ASCL5: variants seen among roughly 807,000 people sequenced by gnomAD.
The protein encoded by ASCL5 is achaete-scute family bHLH transcription factor 5.
For missense variants in ASCL5, 262 were observed against 268.9 expected (o/e 0.97, Z 0.18); for synonymous variants, 124 against 131.5 (o/e 0.94, Z 0.39).
chr1:201,123,866 G>A (rs761031721), intron 1 of ASCL5, among the ~76,000 whole-genome samples: 1 of 152,128 alleles, frequency 6.6e-6, no homozygotes, highest in African/African-American at 2.4e-5. Context: ...TTTGCCTTTC[G>A]GGGAGTAGAA....
In ASCL5 at chr1:201,121,936, A is replaced by C. The variant is rs1663470902; in HGVS notation, c.-506+5148T>G. Among the ~76,000 whole-genome samples the C allele has an allele frequency of 2.6e-5, 4 of 152,290 alleles. 1 individual carries two copies. In the South Asian group the frequency reaches 8.3e-4, roughly 32 times the overall value. ...TACATATTTCTAGAAGGATAACCTC[A>C]CCACCCCCACCATATACATAGTGAA... On this transcript the variant is annotated intron_variant, in intron 1 of 1. Transcript: ENST00000449188.
In ASCL5 at chr1:201,115,221, G is replaced by A; in HGVS notation, c.152C>T (p.Pro51Leu). The A allele has an allele frequency of 8.1e-7, 1 of 1,231,584 alleles. No individual in the cohort carries two copies. Among genetic ancestry groups the A allele is most frequent in the Non-Finnish European group, 1.0e-6 (1 of 987,884 alleles). The allele number at this position is 1,231,584 out of a possible 1,614,324, so 76.3% of individuals were successfully genotyped here. The change falls in exon 2 of 2, where the codon CCA becomes CTA. Residue 51 changes from proline (P) to leucine (L), a missense_variant. Pro to Leu is a moderately conservative substitution (Grantham distance 98). Coordinates refer to ENST00000449188, the MANE Select transcript of ASCL5 (RefSeq NM_001270601.2). ...GGCGTCGTAGTAGGGCGGCTCTGCT[G>A]GGCCCGGGTACAGCAGGAAGGGCAC... ...GNVPFLLYPG[P>L]AEPPYYDAYA...
chr1:201,125,213 T>C (rs375567795), intron 1 of ASCL5, among the ~76,000 whole-genome samples: 1 of 152,182 alleles, frequency 6.6e-6, no homozygotes, highest in Non-Finnish European at 1.5e-5. Flanking sequence ...AGATCGTGCA[T>C]GAAAACACGC....
intron 1 of ASCL5, among the ~76,000 whole-genome samples, chr1:201,125,394 G>A (rs186879899): frequency 1.1e-4 from 17 of 152,278 alleles, no homozygotes; most frequent in African/African-American, 3.8e-4. Flanking sequence ...CTCTCAAGCA[G>A]CCTCTGCGTT....
At position 201,114,090 on chromosome 1, in the gene ASCL5, A is replaced by T. The variant is rs1161854099; in HGVS notation, c.*662T>A. On this transcript the variant is annotated 3_prime_UTR_variant, in exon 2 of 2. Coordinates refer to ENST00000449188, the MANE Select transcript of ASCL5 (RefSeq NM_001270601.2). ...CCCACCCAACCTGGGACAAAACTAG[A>T]CGACCTCATGGGGGGGATGCGGGGA... 6.6e-6 allele frequency: 1 copy of T among 152,062 alleles called. No homozygotes were observed. Among genetic ancestry groups the T allele is most frequent in the Non-Finnish European group, 1.5e-5 (1 of 68,064 alleles). The allele number at this position is 152,062 out of a possible 1,614,324, so 9.4% of individuals were successfully genotyped here. A position where few individuals can be genotyped will look rare whatever the true frequency, so the allele number is the denominator to read the frequency against.
chr1:201,114,880 C>A lies in ASCL5; in HGVS notation c.493G>T (p.Ala165Ser). 1.2e-6 allele frequency: 1 copy of A among 847,812 alleles called. No individual in the cohort carries two copies. The highest frequency in any genetic ancestry group is 1.5e-6 in the Non-Finnish European group (1 of 680,714). The allele number at this position is 847,812 out of a possible 1,614,324, so 52.5% of individuals were successfully genotyped here. Residue 165 changes from alanine (A) to serine (S), a missense_variant, in exon 2 of 2, where the codon GCC (alanine) becomes TCC (serine). Coordinates refer to ENST00000449188, the MANE Select transcript of ASCL5 (RefSeq NM_001270601.2). ...CCAGGGCGGTCGGGACGGGGGGTGGCGGGCGGCGCGGGGCAGGGCCCGGTG... is the reference window on the plus strand; with the variant it reads ...CCAGGGCGGTCGGGACGGGGGGTGGAGGGCGGCGCGGGGCAGGGCCCGGTG... ...PGTGPCPAPP[A>S]TPRPDRPGDG...
Position 201,114,065 on chromosome 1 carries a change from C to G in ASCL5, c.*687G>C, listed in dbSNP as rs1663271310. On this transcript the variant is annotated 3_prime_UTR_variant, in exon 2 of 2. Transcript: ENST00000449188. ...AGTCTGAGGGAAAAAAACCACAGTC[C>G]CCACCCAACCTGGGACAAAACTAGA... 1 of 152,170 alleles carries G rather than the reference C, an allele frequency of 6.6e-6. No individual in the cohort carries two copies. The highest frequency in any genetic ancestry group is 2.4e-5 in the African/African-American group (1 of 41,432). 9.4% of individuals were successfully genotyped at this position (152,170 alleles called of 1,614,324 possible). A position where few individuals can be genotyped will look rare whatever the true frequency, so the allele number is the denominator to read the frequency against.
chr1:201,124,080 T>C (rs1390357406), intron 1 of ASCL5, among the ~76,000 whole-genome samples: 2 of 152,150 alleles, frequency 1.3e-5, no homozygotes, highest in Non-Finnish European at 2.9e-5. Flanking sequence ...TGCTCAAGAG[T>C]GTTTCTGAAT....
In ASCL5 at chr1:201,114,866, G is replaced by A; in HGVS notation, c.507C>T (p.Pro169=). 1 of 1,228,644 alleles carries A rather than the reference G, an allele frequency of 8.1e-7. No individual in the cohort carries two copies. 76.1% of individuals were successfully genotyped at this position (1,228,644 alleles called of 1,614,324 possible). ...PCPAPPATPR[P]DRPGDGEARA... ...GGGCCTCGCCGTCGCCAGGGCGGTC[G>A]GGACGGGGGGTGGCGGGCGGCGCGG... Residue 169 remains proline (P), a synonymous_variant, in exon 2 of 2, where the codon CCC becomes CCT. Coordinates refer to ENST00000449188, the MANE Select transcript of ASCL5 (RefSeq NM_001270601.2).
intron 1 of ASCL5, among the ~76,000 whole-genome samples, chr1:201,121,828 CAA>C (rs58564176): frequency 1.4e-5 from 2 of 142,360 alleles, no homozygotes; most frequent in Non-Finnish European, 1.5e-5. Context: ...GACCCTGTCT[CAA>C]AAAAAAAAAC....
intron 1 of ASCL5, among the ~76,000 whole-genome samples, 157 bp downstream of exon 1, chr1:201,126,927 C>T (rs1321260998): frequency 6.6e-6 from 1 of 152,162 alleles, no homozygotes; most frequent in Non-Finnish European, 1.5e-5. Flanking sequence ...GGTGGCTTGG[C>T]TCTGTTTTCC....
At chr1:201,120,355 C>T (rs922754210) in intron 1 of ASCL5, among the ~76,000 whole-genome samples, 2 of 152,072 alleles carry the variant, frequency 1.3e-5, no homozygotes, top group Non-Finnish European at 2.9e-5. Flanking sequence ...TCATAACTTG[C>T]TGTTAATGGT....
Position 201,115,541 on chromosome 1 carries a change from T to C in ASCL5, c.-169A>G, listed in dbSNP as rs1663322320. On this transcript the variant is annotated 5_prime_UTR_variant, in exon 2 of 2. Transcript: ENST00000449188. Reference sequence around the variant, plus strand: ...TTTAGGGTGGCTTCCAATGACTCCCTAACAAGAGCCATCGCCCTAGACAAG... The same window carrying C: ...TTTAGGGTGGCTTCCAATGACTCCCCAACAAGAGCCATCGCCCTAGACAAG... 1 of 433,178 alleles carries C rather than the reference T, an allele frequency of 2.3e-6. No individual in the cohort carries two copies. The highest frequency in any genetic ancestry group is 1.3e-4 in the South Asian group (1 of 7,708). 26.8% of individuals were successfully genotyped at this position (433,178 alleles called of 1,614,324 possible).
At chr1:201,123,633 G>C (rs537255559) in intron 1 of ASCL5, among the ~76,000 whole-genome samples, 1 of 152,138 alleles carries the variant, frequency 6.6e-6, no homozygotes, top group African/African-American at 2.4e-5. Context: ...CTGGGGCATC[G>C]TCATCCTGTC....
At chr1:201,119,999 G>A (rs918280462) in intron 1 of ASCL5, among the ~76,000 whole-genome samples, 3 of 152,148 alleles carry the variant, frequency 2.0e-5, no homozygotes, top group Non-Finnish European at 2.9e-5. Context: ...GGAAGCAGCC[G>A]AGCAGATGTG....
intron 1 of ASCL5, among the ~76,000 whole-genome samples, chr1:201,120,062 C>A (rs1663419935): frequency 6.6e-6 from 1 of 152,202 alleles, no homozygotes. Context: ...GTGGTGCAAG[C>A]TACACTGAGC....
intron 1 of ASCL5, among the ~76,000 whole-genome samples, chr1:201,118,789 A>G (rs1228573871): frequency 6.6e-6 from 1 of 152,200 alleles, no homozygotes; most frequent in Admixed American, 6.5e-5. Flanking sequence ...TCATGCTAAG[A>G]GCCTGATGTG....
At position 201,115,421 on chromosome 1, in the gene ASCL5, C is replaced by T. The variant is rs1663319619; in HGVS notation, c.-49G>A. ...GAGCGAGGCCTCCACCGAATGGCCC[C>T]GGCTTGGGGTCTGCACCGTCTCCAC... On this transcript the variant is annotated 5_prime_UTR_variant, in exon 2 of 2. Transcript: ENST00000449188. The T allele has an allele frequency of 3.3e-6, 4 of 1,229,708 alleles. No homozygotes were observed. Among genetic ancestry groups the T allele is most frequent in the Non-Finnish European group, 4.1e-6 (4 of 986,378 alleles). The allele number at this position is 1,229,708 out of a possible 1,614,324, so 76.2% of individuals were successfully genotyped here.
At chr1:201,125,232 T>G (rs1318257014) in intron 1 of ASCL5, among the ~76,000 whole-genome samples, 1 of 152,224 alleles carries the variant, frequency 6.6e-6, no homozygotes, top group Non-Finnish European at 1.5e-5. Flanking sequence ...GCTGGCACGC[T>G]TCGTGGCTGG....
Sources: gnomAD v4.1 joint callset for allele counts (sites outside exome capture counted in the v4.1 genomes callset) on GRCh38, gnomAD v4.1.1 for gene constraint, MANE v1.5 for transcripts, NCBI Gene and HGNC (gene_info 2026-07-23, HGNC 2026-07-21) for gene names.